Variants in PDE4D observed in about 807,000 individuals in gnomAD.
PDE4D encodes 3',5'-cyclic-AMP phosphodiesterase 4D.
PDE4D carries 24 observed loss-of-function variants against 87.4 expected under a neutral mutation model. That is an observed-to-expected ratio of 0.27 (90% confidence interval 0.20 to 0.39). The LOEUF (loss-of-function observed/expected upper bound fraction) is 0.39, where lower values mean the gene tolerates loss of function less well. Among genes scored for constraint, PDE4D ranks in the 10% least tolerant of loss-of-function variants. The pLI, the probability that PDE4D is intolerant of heterozygous loss-of-function variation, is 1.00. For synonymous variants in PDE4D, 384 were observed against 383.2 expected, an observed-to-expected ratio of 1.00 and a Z score of -0.02; for missense variants, 714 against 1,041.0, an observed-to-expected ratio of 0.69 and a Z score of 4.32.
At chr5:60,267,311 G>A (rs1750320344) in intron 1 of PDE4D, among the ~76,000 whole-genome samples, 1 of 152,088 alleles carries the variant, frequency 6.6e-6, no homozygotes, top group Non-Finnish European at 1.5e-5. Flanking sequence ...AGGGTTGTGT[G>A]TGTGTTTATA....
At chr5:59,067,171 C>T (rs566951365) in intron 5 of PDE4D, among the ~76,000 whole-genome samples, 7 of 99,538 alleles carry the variant, frequency 7.0e-5, no homozygotes, top group Admixed American at 1.1e-4. Flanking sequence ...CTTGTGACCA[C>T]ATTTGGCTGA....
intron 1 of PDE4D, among the ~76,000 whole-genome samples, chr5:60,476,841 AC>A (rs1748371238): frequency 6.6e-6 from 1 of 151,954 alleles, no homozygotes; most frequent in African/African-American, 2.4e-5. Flanking sequence ...TTTCTCAATA[AC>A]CCTTATCACG....
intron 11 of PDE4D, among the ~76,000 whole-genome samples, chr5:58,980,443 C>G (rs1744843552): frequency 6.6e-6 from 1 of 152,170 alleles, no homozygotes; most frequent in Non-Finnish European, 1.5e-5. Context: ...GAAATCAACA[C>G]AGTCCACTCA....
At chr5:59,620,131 A>C (rs1005772023) in intron 1 of PDE4D, among the ~76,000 whole-genome samples, 4 of 152,140 alleles carry the variant, frequency 2.6e-5, no homozygotes, top group Non-Finnish European at 5.9e-5. Flanking sequence ...CCATGTGACC[A>C]AGAGACAGAG....
chr5:59,464,930 G>A (rs1801351352), intron 1 of PDE4D, among the ~76,000 whole-genome samples: 1 of 152,124 alleles, frequency 6.6e-6, no homozygotes, highest in Non-Finnish European at 1.5e-5. Context: ...ATATGTATGG[G>A]CCTCACTTTT....
Position 59,442,123 on chromosome 5 carries a change from T to C in PDE4D, c.456-226155A>G, listed in dbSNP as rs74483289. On this transcript the variant is annotated intron_variant, in intron 1 of 14. Transcript: ENST00000340635. ...TTTTGTGTAAAGTGGGAAATGCAAATGATAACAATGGGCTTTGGGACCATT... is the reference window on the plus strand; with the variant it reads ...TTTTGTGTAAAGTGGGAAATGCAAACGATAACAATGGGCTTTGGGACCATT... Among the ~76,000 whole-genome samples the C allele has an allele frequency of 2.0e-3, 298 of 152,282 alleles. 2 individuals carry two copies. Among genetic ancestry groups the C allele is most frequent in the African/African-American group, 6.7e-3 (277 of 41,572 alleles).
intron 3 of PDE4D, among the ~76,000 whole-genome samples, chr5:59,947,454 G>GT (rs1367582586): frequency 6.6e-6 from 1 of 152,144 alleles, no homozygotes; most frequent in Non-Finnish European, 1.5e-5. Flanking sequence ...CCTACAGATT[G>GT]TAAGTCTTAC....
At chr5:59,704,831 C>A (rs998642951) in intron 1 of PDE4D, among the ~76,000 whole-genome samples, 2 of 152,096 alleles carry the variant, frequency 1.3e-5, no homozygotes, top group African/African-American at 2.4e-5. Context: ...TATCATAATC[C>A]AACTTACATA....
intron 1 of PDE4D, among the ~76,000 whole-genome samples, chr5:60,498,166 G>GCACACACACA (rs34436235): frequency 3.2e-4 from 46 of 144,296 alleles, no homozygotes; most frequent in Middle Eastern, 3.5e-3. Context: ...ACACACACAT[G>GCACACACACA]CACACACACA....
intron 2 of PDE4D, among the ~76,000 whole-genome samples, chr5:59,197,780 T>C (rs1010396808): frequency 7.9e-5 from 12 of 152,220 alleles, no homozygotes; most frequent in Middle Eastern, 3.2e-3. Context: ...TTAAAGTATG[T>C]GTGGGTTTTA....
intron 1 of PDE4D, among the ~76,000 whole-genome samples, chr5:60,469,449 C>T (rs940799226): frequency 6.6e-6 from 1 of 152,170 alleles, no homozygotes; most frequent in African/African-American, 2.4e-5. Flanking sequence ...CTTCAATGAT[C>T]ATCTCCATGT....
intron 1 of PDE4D, among the ~76,000 whole-genome samples, chr5:60,447,665 A>C (rs1308672885): frequency 1.3e-5 from 2 of 152,156 alleles, no homozygotes; most frequent in Non-Finnish European, 2.9e-5. Flanking sequence ...GGGGAAGGAA[A>C]AATCCCAAAG....
chr5:59,087,239 C>A (rs1767868570), intron 5 of PDE4D, among the ~76,000 whole-genome samples: 1 of 152,064 alleles, frequency 6.6e-6, no homozygotes, highest in South Asian at 2.1e-4. Flanking sequence ...CATCCCAGCA[C>A]TTTGGGAGGC....
intron 1 of PDE4D, among the ~76,000 whole-genome samples, chr5:60,386,874 C>T (rs1218663483): frequency 6.6e-6 from 1 of 152,178 alleles, no homozygotes; most frequent in African/African-American, 2.4e-5. Context: ...ACAGTTTGTG[C>T]TTGGCATCTG....
At chr5:59,300,337 G>A (rs1216591749) in intron 1 of PDE4D, among the ~76,000 whole-genome samples, 1 of 151,970 alleles carries the variant, frequency 6.6e-6, no homozygotes, top group Admixed American at 6.6e-5. Flanking sequence ...TTTTCTGACA[G>A]TATACTTCAT....
At chr5:60,200,157 C>T (rs1741741814) in intron 1 of PDE4D, among the ~76,000 whole-genome samples, 1 of 151,588 alleles carries the variant, frequency 6.6e-6, no homozygotes, top group Admixed American at 6.6e-5. Flanking sequence ...GTTCTAATCA[C>T]TTAAAATATA....
chr5:59,281,632 T>C (rs1269480416), intron 1 of PDE4D, among the ~76,000 whole-genome samples: 3 of 152,132 alleles, frequency 2.0e-5, no homozygotes, highest in Non-Finnish European at 4.4e-5. Flanking sequence ...ATTCCCCCTG[T>C]TGCACAACGA....
intron 5 of PDE4D, among the ~76,000 whole-genome samples, chr5:59,125,499 C>A (rs1580931923): frequency 2.0e-5 from 3 of 152,298 alleles, no homozygotes; most frequent in Non-Finnish European, 2.9e-5. Context: ...CTCCAAAACA[C>A]ATCCAGACTC....
intron 3 of PDE4D, among the ~76,000 whole-genome samples, chr5:59,925,659 A>G (rs1755174638): frequency 6.6e-6 from 1 of 152,200 alleles, no homozygotes; most frequent in African/African-American, 2.4e-5. Context: ...ACTGAAAATA[A>G]AGGGATAGAT....
Sources: allele counts gnomAD v4.1 joint callset (sites outside exome capture counted in the v4.1 genomes callset), GRCh38; gene constraint gnomAD v4.1.1; transcripts MANE v1.5; gene names NCBI Gene and HGNC (gene_info 2026-07-23, HGNC 2026-07-21).